Variants in STON1 observed in about 807,000 individuals in gnomAD.
STON1 encodes stonin 1.
In STON1, 79 loss-of-function variants were observed where a neutral mutation model predicts 60.9. The ratio of observed to expected loss-of-function variants is 1.30; its 90% CI spans 1.08 to 1.56. The LOEUF is 1.56. Among genes scored for constraint, STON1 ranks in the 40% most tolerant of loss-of-function variants. The probability of loss-of-function intolerance (pLI) is 0.00; values close to 1 mark genes in which losing one functional copy is unlikely to be tolerated. For synonymous variants in STON1, 363 were observed against 306.9 expected (o/e 1.18, Z -1.91); for missense variants, 1,166 against 858.9 (o/e 1.36, Z -4.47).
intron 1 of STON1, among the ~76,000 whole-genome samples, chr2:48,555,283 T>C (rs1435212120): frequency 2.1e-5 from 2 of 94,924 alleles, no homozygotes; most frequent in African/African-American, 3.9e-5. Context: ...GAGGCGCCCC[T>C]CACCTCCCGG....
chr2:48,553,148 A>G (rs1297951330), intron 1 of STON1, among the ~76,000 whole-genome samples: 2 of 152,196 alleles, frequency 1.3e-5, no homozygotes, highest in African/African-American at 4.8e-5. Flanking sequence ...GCTACATTGT[A>G]TGGTCAGAGC....
intron 2 of STON1, among the ~76,000 whole-genome samples, chr2:48,589,222 C>G (rs1269690681): frequency 6.6e-6 from 1 of 152,132 alleles, no homozygotes; most frequent in African/African-American, 2.4e-5. Flanking sequence ...CTTCGGCCCT[C>G]TAACAGTTCA....
intron 1 of STON1, among the ~76,000 whole-genome samples, chr2:48,564,525 C>A (rs1210236030): frequency 4.1e-4 from 17 of 41,318 alleles, no homozygotes; most frequent in Non-Finnish European, 5.3e-4. Context: ...TCTTCTTCTT[C>A]TTCTTCTTCT....
chr2:48,550,605 T>A, intron 1 of STON1, among the ~76,000 whole-genome samples: 1 of 149,998 alleles, frequency 6.7e-6, no homozygotes, highest in Non-Finnish European at 1.5e-5. Flanking sequence ...ATATATTTAC[T>A]CTTTTTAATG....
intron 1 of STON1, among the ~76,000 whole-genome samples, chr2:48,546,796 C>G (rs1355814403): frequency 6.6e-6 from 1 of 152,120 alleles, no homozygotes; most frequent in Non-Finnish European, 1.5e-5. Flanking sequence ...AAACTCCTGG[C>G]CTCAAGCAAT....
At chr2:48,554,261 G>A (rs939214065) in intron 1 of STON1, among the ~76,000 whole-genome samples, 49 of 151,832 alleles carry the variant, frequency 3.2e-4, no homozygotes, top group Non-Finnish European at 7.4e-5. Flanking sequence ...TCTCTTTGTC[G>A]CCCGAGCTGG....
At chr2:48,533,752 T>C (rs189051297) in intron 1 of STON1, among the ~76,000 whole-genome samples, 11 of 147,226 alleles carry the variant, frequency 7.5e-5, no homozygotes, top group Admixed American at 2.8e-4. Flanking sequence ...TATAAGAATG[T>C]TGAATTACAC....
chr2:48,583,318 G>A (rs1674007645), intron 2 of STON1, among the ~76,000 whole-genome samples: 1 of 152,072 alleles, frequency 6.6e-6, no homozygotes, highest in African/African-American at 2.4e-5. Context: ...TGAATTCCTG[G>A]GCTCAAGGGA....
Position 48,581,357 on chromosome 2 carries a change from C to G in STON1, c.724C>G (p.Gln242Glu), listed in dbSNP as rs759170272. The G allele has an allele frequency of 5.1e-6, 8 of 1,562,992 alleles. No individual in the cohort carries two copies. Among genetic ancestry groups the G allele is most frequent in the Admixed American group, 3.7e-5 (2 of 53,416 alleles). Residue 242 changes from glutamine (Q) to glutamate (E), a missense_variant, in exon 2 of 4, where the codon CAA becomes GAA. Physicochemically the swap from Gln to Glu is conservative, Grantham distance 29. Transcript: ENST00000404752. ...TGAACATCTCCAGTCAGCTGAGAAC[C>G]AAGACTCACTTAGAAGTTTGTCTAT... ...KLEHLQSAEN[Q>E]DSLRSLSMHC...
chr2:48,582,739 C>A (rs1357106360), intron 2 of STON1, among the ~76,000 whole-genome samples, 176 bp downstream of exon 2: 2 of 152,166 alleles, frequency 1.3e-5, no homozygotes, highest in African/African-American at 2.4e-5. Context: ...CCTTTTGCAC[C>A]TATTTCTACC....
intron 1 of STON1, among the ~76,000 whole-genome samples, chr2:48,564,578 TCTCCTC>T (rs773952778): frequency 3.2e-5 from 1 of 31,710 alleles, no homozygotes; most frequent in African/African-American, 1.7e-4. Flanking sequence ...TCCTTCTCCT[TCTCCTC>T]CTCCTCCTCC....
chr2:48,559,226 A>C (rs1276220033), intron 1 of STON1, among the ~76,000 whole-genome samples: 1 of 152,222 alleles, frequency 6.6e-6, no homozygotes, highest in Non-Finnish European at 1.5e-5. Flanking sequence ...GAATCATTTA[A>C]CATAACTGTC....
intron 1 of STON1, among the ~76,000 whole-genome samples, chr2:48,578,718 G>A (rs1558628195): frequency 2.7e-5 from 4 of 150,862 alleles, no homozygotes; most frequent in African/African-American, 9.7e-5. Context: ...ACCATGCCTG[G>A]CTAATTTTTG....
chr2:48,548,116 G>T (rs1371003889), intron 1 of STON1, among the ~76,000 whole-genome samples: 1 of 152,236 alleles, frequency 6.6e-6, no homozygotes, highest in Admixed American at 6.5e-5. Context: ...GGAGCTCCTT[G>T]AATGGGACCT....
At chr2:48,570,881 C>T (rs1673171762) in intron 1 of STON1, among the ~76,000 whole-genome samples, 1 of 133,582 alleles carries the variant, frequency 7.5e-6, no homozygotes, top group Admixed American at 7.9e-5. Flanking sequence ...TGTCTTTCCC[C>T]AGACAGAGTC....
Position 48,580,600 on chromosome 2 carries a change from G to C in STON1, c.-34G>C. The stretch of plus-strand genomic sequence containing the variant: ...TTTTTTTAACAGAGTCAACCTATTT[G>C]ATTTCTTGACAAGACCACAATCTGA... On this transcript the variant is annotated 5_prime_UTR_variant, in exon 2 of 4. Coordinates refer to ENST00000404752, the MANE Select transcript of STON1 (RefSeq NM_006873.4). 7.6e-7 allele frequency: 1 copy of C among 1,322,088 alleles called. No homozygotes were observed. Among genetic ancestry groups the C allele is most frequent in the Non-Finnish European group, 9.7e-7 (1 of 1,027,420 alleles). The allele number at this position is 1,322,088 out of a possible 1,614,324, so 81.9% of individuals were successfully genotyped here. A position where few individuals can be genotyped will look rare whatever the true frequency, so the allele number is the denominator to read the frequency against.
rs1672796313 is a variant in STON1 at position 48,564,488 on chromosome 2, T to TC, written c.-47-16098dup. ...TCTTCTTCTTCTTCTTCTTTCTTCT[T>TC]CTTCTTCTTCTTCTTCTTCTTCTTC... On this transcript the variant is annotated intron_variant, in intron 1 of 3. Transcript: ENST00000404752. Among the ~76,000 whole-genome samples the TC allele has an allele frequency of 3.8e-4, 8 of 21,246 alleles. 1 individual carries two copies. Among genetic ancestry groups the TC allele is most frequent in the South Asian group, 4.2e-3 (2 of 472 alleles). The allele number at this position is 21,246 out of a possible 152,430, so 13.9% of individuals were successfully genotyped here. A position where few individuals can be genotyped will look rare whatever the true frequency, so the allele number is the denominator to read the frequency against.
Position 48,592,595 on chromosome 2 carries a change from CTATTATTATTAT to C in STON1, c.2133+766_2133+777del, listed in dbSNP as rs3047606. Among the ~76,000 whole-genome samples, 35 of 136,568 alleles carry C rather than the reference CTATTATTATTAT, an allele frequency of 2.6e-4. No individual in the cohort carries two copies. In the East Asian group the frequency reaches 3.4e-3, roughly 13 times the overall value. The allele number at this position is 136,568 out of a possible 152,430, so 89.6% of individuals were successfully genotyped here. ...TACAGCCACCCACCACCACACCCAG[CTATTATTATTAT>C]TATTATTATTATTATTATTATTATT... On this transcript the variant is annotated intron_variant, in intron 3 of 3. Transcript: ENST00000404752.
Position 48,582,076 on chromosome 2 carries a change from T to C in STON1, c.1443T>C (p.Asp481=). 5 of 1,614,216 alleles carry C rather than the reference T, an allele frequency of 3.1e-6. No homozygotes were observed. Among genetic ancestry groups the C allele is most frequent in the Non-Finnish European group, 4.2e-6 (5 of 1,180,032 alleles). The change falls in exon 2 of 4, where the codon GAT becomes GAC. Residue 481 remains aspartate (D), a synonymous_variant. Coordinates refer to ENST00000404752, the MANE Select transcript of STON1 (RefSeq NM_006873.4). ...AGGACTCAGAAAAAAAGGGGATTGA[T>C]ATTCTTGACTACCATTTTCATAAGT... ...YEKDSEKKGI[D]ILDYHFHKCV...
Sources: gnomAD v4.1 joint callset for allele counts (sites outside exome capture counted in the v4.1 genomes callset) on GRCh38, gnomAD v4.1.1 for gene constraint, MANE v1.5 for transcripts, NCBI Gene and HGNC (gene_info 2026-07-23, HGNC 2026-07-21) for gene names.